The following TGFBR3 variants were observed in gnomAD, a reference collection of about 807,000 sequenced individuals.
The protein encoded by TGFBR3 is transforming growth factor beta receptor type 3.
A neutral mutation model predicts 87.9 loss-of-function variants in TGFBR3; 46 were observed. That is an observed-to-expected ratio of 0.52 (90% CI 0.41 to 0.67). The LOEUF is 0.67. Among genes scored for constraint, TGFBR3 ranks in the 30% least tolerant of loss-of-function variants. The pLI, the probability that TGFBR3 is intolerant of heterozygous loss-of-function variation, is 0.00. For synonymous variants in TGFBR3, 381 were observed against 391.6 expected (o/e 0.97, Z 0.32); for missense variants, 866 against 1,041.9 (o/e 0.83, Z 2.32).
intron 2 of TGFBR3, among the ~76,000 whole-genome samples, chr1:91,833,654 T>G (rs989622134): frequency 6.6e-6 from 1 of 150,902 alleles, no homozygotes; most frequent in Non-Finnish European, 1.5e-5. Context: ...GGCACACACC[T>G]GTAATTCCAG....
At position 91,767,659 on chromosome 1, in the gene TGFBR3, CCTGT is replaced by C. The variant is rs747202493; in HGVS notation, c.247-8913_247-8910del. Among the ~76,000 whole-genome samples, 65 of 121,540 alleles carry C rather than the reference CCTGT, an allele frequency of 5.3e-4. 18 individuals carry two copies. In the South Asian group the frequency reaches 0.017, roughly 33 times the overall value. The allele number at this position is 121,540 out of a possible 152,430, so 79.7% of individuals were successfully genotyped here. On this transcript the variant is annotated intron_variant, in intron 3 of 16. Coordinates refer to ENST00000212355, the MANE Select transcript of TGFBR3 (RefSeq NM_003243.5). ...GCTGGAAGTAGAATGAATGTCTCTC[CCTGT>C]CTGTCTGTCTGTCTCTCCCCCTACC...
At chr1:91,863,844 A>G (rs1678286900) in intron 1 of TGFBR3, 2 of 152,214 alleles carry the variant, frequency 1.3e-5, no homozygotes, top group Admixed American at 1.3e-4. Flanking sequence ...CTCTAAGTCG[A>G]ACATTTCTGT....
intron 16 of TGFBR3, among the ~76,000 whole-genome samples, chr1:91,690,288 C>T (rs1255725619): frequency 6.6e-6 from 1 of 152,088 alleles, no homozygotes; most frequent in African/African-American, 2.4e-5. Context: ...TCTGCCCTTC[C>T]TAATCCAGGA....
chr1:91,754,031 C>T (rs1571475393), intron 4 of TGFBR3, among the ~76,000 whole-genome samples: 2 of 152,286 alleles, frequency 1.3e-5, no homozygotes, highest in South Asian at 4.1e-4. Context: ...TTGTTATCGC[C>T]TTTTTTATTA....
intron 2 of TGFBR3, among the ~76,000 whole-genome samples, chr1:91,858,551 G>A (rs191086901): frequency 7.1e-6 from 1 of 141,352 alleles, no homozygotes; most frequent in Admixed American, 7.4e-5. Flanking sequence ...GGAGATGGAG[G>A]TTACAATGAG....
rs532647601 is a variant in TGFBR3 at position 91,893,642 on chromosome 1, G to A, written c.-114+5995C>T. Among the ~76,000 whole-genome samples the A allele has an allele frequency of 2.6e-5, 4 of 151,398 alleles. No individual in the cohort carries two copies. The South Asian group carries it at 8.3e-4, about 32-fold the overall frequency. ...TTAAATAGAAATTTGTTTTTATGTT[G>A]TATTTTTTATTTTAGTGACAATCTT... On this transcript the variant is annotated intron_variant, in intron 2 of 17. Coordinates refer to the TGFBR3 transcript ENST00000370399.
At position 91,886,072 on chromosome 1, in the gene TGFBR3, G is replaced by C. The variant is rs1359733470; in HGVS notation, c.-308C>G. ...GGGAATCGCGCAGGGAAAGTGGCCG[G>C]GGCGCGAGAGCCGCCGACTGCCCTC... On this transcript the variant is annotated 5_prime_UTR_variant, in exon 1 of 17. Coordinates refer to ENST00000212355, the MANE Select transcript of TGFBR3 (RefSeq NM_003243.5). 2 of 453,982 alleles carry C rather than the reference G, an allele frequency of 4.4e-6. No individual in the cohort carries two copies. The highest frequency in any genetic ancestry group is 4.0e-5 in the African/African-American group (2 of 50,012). 28.1% of individuals were successfully genotyped at this position (453,982 alleles called of 1,614,324 possible).
intron 2 of TGFBR3, among the ~76,000 whole-genome samples, chr1:91,800,802 C>T (rs1432925576): frequency 1.3e-5 from 2 of 151,912 alleles, no homozygotes; most frequent in East Asian, 1.9e-4. Flanking sequence ...AGACACTGCT[C>T]GGCCCAGTGC....
intron 2 of TGFBR3, among the ~76,000 whole-genome samples, chr1:91,836,083 A>C (rs1677054014): frequency 6.6e-6 from 1 of 151,462 alleles, no homozygotes; most frequent in Non-Finnish European, 1.5e-5. Context: ...CCCTATCTCT[A>C]CTAAAAATAC....
intron 4 of TGFBR3, among the ~76,000 whole-genome samples, chr1:91,738,250 G>A (rs1040894827): frequency 2.8e-4 from 43 of 152,166 alleles, no homozygotes; most frequent in African/African-American, 1.0e-3. Flanking sequence ...ACTGCATGAA[G>A]CATCCACATT....
intron 14 of TGFBR3, among the ~76,000 whole-genome samples, chr1:91,707,299 G>A (rs1671830000): frequency 6.6e-6 from 1 of 152,174 alleles, no homozygotes; most frequent in Admixed American, 6.5e-5. Flanking sequence ...GCCATTTTGA[G>A]GGAGCACATT....
At chr1:91,762,196 G>A (rs1028485289) in intron 3 of TGFBR3, among the ~76,000 whole-genome samples, 2 of 152,158 alleles carry the variant, frequency 1.3e-5, no homozygotes, top group African/African-American at 4.8e-5. Context: ...AAATCTTTGG[G>A]AGTCATGGAA....
At chr1:91,703,920 C>A (rs1018867801) in intron 14 of TGFBR3, among the ~76,000 whole-genome samples, 5 of 152,324 alleles carry the variant, frequency 3.3e-5, no homozygotes, top group Middle Eastern at 3.4e-3. Context: ...TTCCCAACAT[C>A]TTAATCCTTT....
chr1:91,802,354 CT>C (rs557077567), intron 2 of TGFBR3, among the ~76,000 whole-genome samples: 7 of 151,528 alleles, frequency 4.6e-5, no homozygotes, highest in African/African-American at 1.2e-4. Flanking sequence ...CTTATTTCTC[CT>C]TTTTTTTCTT....
At chr1:91,892,629 G>C (rs6680463) in intron 2 of TGFBR3, among the ~76,000 whole-genome samples, 75,028 of 151,940 alleles carry the variant, frequency 0.49, 18,520 homozygotes, top group Non-Finnish European at 0.51. Flanking sequence ...AACCCTCTCT[G>C]TTCAGGGTTA....
chr1:91,861,843 A>T, intron 1 of TGFBR3, 199 bp from the exon 2 acceptor site: 1 of 337,726 alleles, frequency 3.0e-6, no homozygotes, highest in Non-Finnish European at 5.5e-6. Context: ...TGCAAATGAC[A>T]TATTTGTTAT....
chr1:91,808,504 C>G (rs924697072), intron 2 of TGFBR3, among the ~76,000 whole-genome samples: 2 of 152,266 alleles, frequency 1.3e-5, no homozygotes, highest in Admixed American at 1.3e-4. Flanking sequence ...CTCACTCTGT[C>G]GCCCAGGCTG....
intron 1 of TGFBR3, among the ~76,000 whole-genome samples, chr1:91,862,409 A>C (rs1678237439): frequency 6.6e-6 from 1 of 152,180 alleles, no homozygotes; most frequent in Admixed American, 6.5e-5. Context: ...GAAAAAAATA[A>C]AGAAACATAA....
intron 7 of TGFBR3, among the ~76,000 whole-genome samples, chr1:91,724,778 C>T (rs116469302): frequency 0.013 from 1,919 of 152,206 alleles, 40 homozygotes; most frequent in African/African-American, 0.043. Flanking sequence ...CAAAAACCAC[C>T]ACCATCTTTC....
Sources: allele counts gnomAD v4.1 joint callset (sites outside exome capture counted in the v4.1 genomes callset), GRCh38; gene constraint gnomAD v4.1.1; transcripts MANE v1.5; gene names NCBI Gene and HGNC (gene_info 2026-07-23, HGNC 2026-07-21).